Variants in DPYD observed in about 807,000 individuals in gnomAD.
The protein encoded by DPYD is dihydropyrimidine dehydrogenase [NADP(+)].
Under a neutral mutation model 116.2 loss-of-function variants are expected in DPYD, and 109 were observed. The observed-to-expected ratio is 0.94, with a 90% CI of 0.80 to 1.10. The LOEUF is 1.10. Ranked by LOEUF, DPYD falls within the 50% of genes least tolerant of loss-of-function variation. DPYD has a pLI of 0.00. For synonymous variants in DPYD, 440 were observed against 432.0 expected (o/e 1.02, Z -0.23); for missense variants, 1,302 against 1,254.5 (o/e 1.04, Z -0.57).
intron 18 of DPYD, among the ~76,000 whole-genome samples, chr1:97,267,777 C>T (rs1570797438): frequency 6.6e-6 from 1 of 152,094 alleles, no homozygotes; most frequent in Non-Finnish European, 1.5e-5. Flanking sequence ...TTGGGGGACA[C>T]ATTCAAACCA....
intron 13 of DPYD, among the ~76,000 whole-genome samples, chr1:97,457,919 T>G (rs914578975): frequency 6.6e-6 from 1 of 152,226 alleles, no homozygotes; most frequent in African/African-American, 2.4e-5. Context: ...ATGAAGGGCT[T>G]TTTTAGTGCT....
chr1:97,719,571 A>G (rs749553482), intron 5 of DPYD, among the ~76,000 whole-genome samples: 1 of 151,882 alleles, frequency 6.6e-6, no homozygotes, highest in Non-Finnish European at 1.5e-5. Context: ...AACATTTCGC[A>G]TTTTGTACTT....
At chr1:97,920,274 T>C (rs75451404) in intron 1 of DPYD, among the ~76,000 whole-genome samples, 12,202 of 152,200 alleles carry the variant, frequency 0.08, 653 homozygotes, top group South Asian at 0.11. Flanking sequence ...TCAAAAACCG[T>C]TGAGAGGAGA....
chr1:97,629,573 G>T (rs1309912668), intron 8 of DPYD, among the ~76,000 whole-genome samples: 1 of 151,728 alleles, frequency 6.6e-6, no homozygotes, highest in East Asian at 1.9e-4. Context: ...TATTTTATCA[G>T]AATACAGCCA....
chr1:97,178,424 G>A (rs906856073), intron 20 of DPYD, among the ~76,000 whole-genome samples: 4 of 152,112 alleles, frequency 2.6e-5, no homozygotes, highest in African/African-American at 9.7e-5. Context: ...GGCAAAAGGC[G>A]AGAGGGAAGC....
At chr1:97,256,247 C>T (rs1246218346) in intron 18 of DPYD, among the ~76,000 whole-genome samples, 1 of 152,070 alleles carries the variant, frequency 6.6e-6, no homozygotes. Flanking sequence ...TCTTTATATT[C>T]TGAAACAATG....
chr1:97,334,135 C>T (rs1030239152), intron 16 of DPYD, among the ~76,000 whole-genome samples: 5 of 152,202 alleles, frequency 3.3e-5, no homozygotes, highest in African/African-American at 9.6e-5. Context: ...TTGAGAAGGT[C>T]TTGGGACATA....
chr1:97,134,420 C>T (rs1044341532), intron 20 of DPYD, among the ~76,000 whole-genome samples: 1 of 152,098 alleles, frequency 6.6e-6, no homozygotes, highest in African/African-American at 2.4e-5. Context: ...CTCTGGTCTG[C>T]TACCGACAGG....
chr1:97,135,753 G>T (rs751213437), intron 20 of DPYD, among the ~76,000 whole-genome samples: 6 of 152,006 alleles, frequency 3.9e-5, no homozygotes, highest in South Asian at 2.1e-4. Flanking sequence ...ACCCCACATG[G>T]GTACTCAATA....
intron 12 of DPYD, among the ~76,000 whole-genome samples, chr1:97,530,204 C>CT (rs60749588): frequency 3.5e-4 from 47 of 135,896 alleles, no homozygotes; most frequent in Admixed American, 6.8e-4. Flanking sequence ...ATCAGAATTT[C>CT]TTTTTTTTTC....
chr1:97,549,544 G>T lies in DPYD; in HGVS notation c.1524+16C>A, dbSNP rs199469537. The T allele has an allele frequency of 8.9e-4, 1,442 of 1,613,334 alleles. 1 individual carries two copies. The highest frequency in any genetic ancestry group is 1.2e-3 in the Non-Finnish European group (1,382 of 1,179,458). The stretch of plus-strand genomic sequence containing the variant: ...CATTGGAAAAGAATTAAGTGGAAAT[G>T]ATGGCAAATGCCTACCTGTACGTAT... On this transcript the variant is annotated intron_variant, in intron 12 of 22. Coordinates refer to ENST00000370192, the MANE Select transcript of DPYD (RefSeq NM_000110.4).
chr1:97,332,623 G>A (rs1325733186), intron 16 of DPYD, among the ~76,000 whole-genome samples: 1 of 152,136 alleles, frequency 6.6e-6, no homozygotes, highest in Non-Finnish European at 1.5e-5. Context: ...GTGGTGCCTT[G>A]TCATGTAATA....
At chr1:97,191,623 G>A (rs969133161) in intron 20 of DPYD, among the ~76,000 whole-genome samples, 2 of 152,024 alleles carry the variant, frequency 1.3e-5, no homozygotes, top group African/African-American at 4.8e-5. Flanking sequence ...TGTAAGTTTT[G>A]AAACGAGTGT....
Position 97,570,348 on chromosome 1 carries a change from G to C in DPYD, c.1339+3412C>G, listed in dbSNP as rs948361482. Among the ~76,000 whole-genome samples, 3 of 152,000 alleles carry C rather than the reference G, an allele frequency of 2.0e-5. No individual in the cohort carries two copies. The South Asian group carries it at 6.2e-4, about 32-fold the overall frequency. On this transcript the variant is annotated intron_variant, in intron 11 of 22. Coordinates refer to ENST00000370192, the MANE Select transcript of DPYD (RefSeq NM_000110.4). The stretch of plus-strand genomic sequence containing the variant: ...CTGTACTTTATATGTACTCTGTCAA[G>C]TTTACTTCATTACTTGAATTTTTCA...
At chr1:97,894,961 T>A (rs1044689990) in intron 1 of DPYD, among the ~76,000 whole-genome samples, 1 of 151,292 alleles carries the variant, frequency 6.6e-6, no homozygotes, top group East Asian at 1.9e-4. Flanking sequence ...AAGTTGAACA[T>A]ATGTATAAAT....
In DPYD at chr1:97,462,238, C is replaced by T. The variant is rs182311725; in HGVS notation, c.1741-12015G>A. Among the ~76,000 whole-genome samples the T allele has an allele frequency of 1.5e-4, 23 of 152,248 alleles. No homozygotes were observed. The East Asian group carries it at 2.7e-3, about 18-fold the overall frequency. ...GAAAAAAATGAATAAATTTGATTCA[C>T]GGAGGAGGGACCTGAAAGCAAATGG... On this transcript the variant is annotated intron_variant, in intron 13 of 22. Transcript: ENST00000370192.
chr1:97,132,411 G>A (rs1653409654), intron 20 of DPYD, among the ~76,000 whole-genome samples: 1 of 151,982 alleles, frequency 6.6e-6, no homozygotes, highest in African/African-American at 2.4e-5. Flanking sequence ...ACAGTGTATT[G>A]GGTTAGGAAA....
chr1:97,184,391 C>A (rs188034742), intron 20 of DPYD, among the ~76,000 whole-genome samples: 2 of 152,150 alleles, frequency 1.3e-5, no homozygotes, highest in East Asian at 3.9e-4. Flanking sequence ...TGACAGTGTA[C>A]AAGCATTCTG....
chr1:97,464,873 T>A (rs1325088700), intron 13 of DPYD, among the ~76,000 whole-genome samples: 3 of 152,034 alleles, frequency 2.0e-5, no homozygotes, highest in African/African-American at 7.2e-5. Context: ...AGTGGAGCTG[T>A]GAGAAGAGGG....
Sources: allele counts gnomAD v4.1 joint callset (sites outside exome capture counted in the v4.1 genomes callset), GRCh38; gene constraint gnomAD v4.1.1; transcripts MANE v1.5; gene names NCBI Gene and HGNC (gene_info 2026-07-23, HGNC 2026-07-21).